GLRA2: variants seen among roughly 807,000 people sequenced by gnomAD.
GLRA2 encodes the protein glycine receptor subunit alpha-2.
A neutral mutation model predicts 31.6 loss-of-function variants in GLRA2; 11 were observed. The observed-to-expected ratio is 0.35, with a 90% CI of 0.22 to 0.58. The LOEUF is 0.58. Ranked by LOEUF, GLRA2 falls within the 20% of genes least tolerant of loss-of-function variation. The pLI is 0.84. For synonymous variants in GLRA2, 132 were observed against 134.0 expected (o/e 0.99, Z 0.10); for missense variants, 212 against 351.8 (o/e 0.60, Z 3.18).
rs769672398 is a variant in GLRA2 at position 14,571,654 on chromosome X, G to A, written c.203-2679G>A. The stretch of plus-strand genomic sequence containing the variant: ...GAAGAATGAAATAATACATTCACTG[G>A]CACACAGCAAGGTTCAAATATATGT... On this transcript the variant is annotated intron_variant, in intron 2 of 8. Coordinates refer to ENST00000218075, the MANE Select transcript of GLRA2 (RefSeq NM_002063.4). 4.5e-5 allele frequency among the ~76,000 whole-genome samples: 5 copies of A among 111,479 alleles called. No individual in the cohort carries two copies. In the East Asian group the frequency reaches 8.4e-4, roughly 19 times the overall value.
At chrX:14,655,382 G>T (rs1476358759) in intron 7 of GLRA2, among the ~76,000 whole-genome samples, 1 of 111,199 alleles carries the variant, frequency 9.0e-6, no homozygotes, top group Admixed American at 9.6e-5. Context: ...TGCAGTGGTG[G>T]GTTCCTGTTC....
chrX:14,645,814 T>G (rs1321252094), intron 7 of GLRA2, among the ~76,000 whole-genome samples: 2 of 111,971 alleles, frequency 1.8e-5, no homozygotes, highest in Admixed American at 1.9e-4. Context: ...ACTGCCCATT[T>G]GTTTGCCTAT....
the GLRA2 span, among the ~76,000 whole-genome samples, chrX:14,516,404 T>G: frequency 8.9e-6 from 1 of 112,089 alleles, no homozygotes; most frequent in South Asian, 3.7e-4. Context: ...TCCATAAAAT[T>G]TAGATGTTTT....
Position 14,609,208 on chromosome X carries a change from A to G in GLRA2, c.930+3A>G. ...GCTCCAGGGCATCTCTGCCAAAGGT[A>G]AGAAATCTTGCTTGATAACAGATGA... On this transcript the variant is annotated splice_donor_region_variant and intron_variant, in intron 7 of 8. Transcript: ENST00000218075. The G allele has an allele frequency of 5.3e-6, 6 of 1,133,731 alleles. No individual in the cohort carries two copies. Among genetic ancestry groups the G allele is most frequent in the Non-Finnish European group, 7.3e-6 (6 of 827,352 alleles). 93.4% of individuals were successfully genotyped at this position (1,133,731 alleles called of 1,213,427 possible).
At chrX:14,616,291 T>C (rs1343974584) in intron 7 of GLRA2, among the ~76,000 whole-genome samples, 1 of 112,032 alleles carries the variant, frequency 8.9e-6, no homozygotes, top group Admixed American at 9.5e-5. Flanking sequence ...CCAGAGACTA[T>C]AGAAGTGAAA....
At chrX:14,454,856 A>G in the GLRA2 span, among the ~76,000 whole-genome samples, 1 of 112,353 alleles carries the variant, frequency 8.9e-6, no homozygotes, top group African/African-American at 3.2e-5. Flanking sequence ...ATTAGAGACT[A>G]TAAATATGAC....
At chrX:14,682,255 C>G (rs1392401008) in intron 7 of GLRA2, among the ~76,000 whole-genome samples, 1 of 109,651 alleles carries the variant, frequency 9.1e-6, no homozygotes, top group African/African-American at 3.3e-5. Context: ...GAATAACCAT[C>G]CCAGGTAGGA....
intron 3 of GLRA2, 200 bp downstream of exon 3, chrX:14,574,600 G>A (rs749666070): frequency 2.0e-6 from 2 of 978,635 alleles, no homozygotes; most frequent in Non-Finnish European, 1.5e-6. Context: ...GTGAAGGAAT[G>A]GGATGTGGGA....
chrX:14,584,615 T>C (rs1375304883), intron 4 of GLRA2, among the ~76,000 whole-genome samples: 1 of 112,221 alleles, frequency 8.9e-6, no homozygotes, highest in Non-Finnish European at 1.9e-5. Context: ...AGCGGCAAAG[T>C]CACTGCTTGC....
the GLRA2 span, among the ~76,000 whole-genome samples, chrX:14,469,169 A>G: frequency 9.0e-6 from 1 of 111,022 alleles, no homozygotes; most frequent in South Asian, 3.8e-4. Flanking sequence ...CTTTAGTTTA[A>G]TTAGATCCCA....
intron 2 of GLRA2, among the ~76,000 whole-genome samples, chrX:14,573,556 C>T (rs997370775): frequency 9.0e-6 from 1 of 110,681 alleles, no homozygotes; most frequent in Non-Finnish European, 1.9e-5. Flanking sequence ...AAATGTGAAG[C>T]AGAGAATCAT....
At chrX:14,720,721 C>T (rs1243358522) in intron 8 of GLRA2, among the ~76,000 whole-genome samples, 1 of 111,805 alleles carries the variant, frequency 8.9e-6, no homozygotes, top group Non-Finnish European at 1.9e-5. Flanking sequence ...ACTTGTTTGC[C>T]ACTGAGTAAC....
chrX:14,507,973 C>T, the GLRA2 span, among the ~76,000 whole-genome samples: 2 of 110,624 alleles, frequency 1.8e-5, no homozygotes, highest in East Asian at 2.8e-4. Flanking sequence ...GGATTACAGG[C>T]GTGAGCCACT....
chrX:14,570,558 G>A (rs1321073180), intron 2 of GLRA2, among the ~76,000 whole-genome samples: 1 of 111,417 alleles, frequency 9.0e-6, no homozygotes, highest in Non-Finnish European at 1.9e-5. Flanking sequence ...CTGAGATTTG[G>A]CATTTCCAAC....
the GLRA2 span, among the ~76,000 whole-genome samples, chrX:14,518,254 C>CT: frequency 1.1e-4 from 12 of 111,760 alleles, no homozygotes; most frequent in Non-Finnish European, 2.3e-4. Flanking sequence ...TAGTTATAAC[C>CT]TTTTTACATT....
chrX:14,669,469 T>C (rs895830975), intron 7 of GLRA2, among the ~76,000 whole-genome samples: 1 of 111,355 alleles, frequency 9.0e-6, no homozygotes, highest in Non-Finnish European at 1.9e-5. Flanking sequence ...TAGCAGAGGT[T>C]CTCCATGAGA....
intron 4 of GLRA2, among the ~76,000 whole-genome samples, chrX:14,591,762 G>A (rs1298547606): frequency 8.9e-6 from 1 of 112,054 alleles, no homozygotes; most frequent in East Asian, 2.8e-4. Flanking sequence ...GGAAAGGAGA[G>A]ACTTGATCAA....
the GLRA2 span, among the ~76,000 whole-genome samples, chrX:14,454,188 CCACACACACACACACACACA>C: frequency 2.0e-5 from 2 of 101,529 alleles, no homozygotes; most frequent in East Asian, 6.4e-4. Flanking sequence ...ACCCACACAC[CCACACACACACACACACACA>C]CACACACACA....
chrX:14,511,752 G>C, the GLRA2 span, among the ~76,000 whole-genome samples: 2 of 111,921 alleles, frequency 1.8e-5, no homozygotes, highest in African/African-American at 6.5e-5. Flanking sequence ...ATAATGAAAA[G>C]TATTTATTCA....
Sources: allele counts gnomAD v4.1 joint callset (sites outside exome capture counted in the v4.1 genomes callset), GRCh38; gene constraint gnomAD v4.1.1; transcripts MANE v1.5; gene names NCBI Gene and HGNC (gene_info 2026-07-23, HGNC 2026-07-21).